Variants in PRIMPOL observed in about 807,000 individuals in gnomAD.
The protein encoded by PRIMPOL is primase and DNA directed polymerase, also known as DNA-directed primase/polymerase protein.
Under a neutral mutation model 63.6 loss-of-function variants are expected in PRIMPOL, and 54 were observed. That is an observed-to-expected ratio of 0.85 (90% CI 0.68 to 1.07). The LOEUF is 1.07. PRIMPOL is among the 50% of genes least tolerant of loss of function. PRIMPOL has a pLI of 0.00. For synonymous variants in PRIMPOL, 197 were observed against 220.2 expected (o/e 0.89, Z 0.93); for missense variants, 610 against 648.3 (o/e 0.94, Z 0.64).
chr4:184,655,663 A>G (rs1746211458), intron 2 of PRIMPOL, among the ~76,000 whole-genome samples: 1 of 152,164 alleles, frequency 6.6e-6, no homozygotes. Flanking sequence ...TCCTTCCAGG[A>G]AATACTCATT....
At chr4:184,667,943 G>T (rs1228782538) in intron 6 of PRIMPOL, among the ~76,000 whole-genome samples, 1 of 152,100 alleles carries the variant, frequency 6.6e-6, no homozygotes, top group Non-Finnish European at 1.5e-5. Context: ...ACATTTGCAG[G>T]CTGGCTGCCG....
intron 8 of PRIMPOL, among the ~76,000 whole-genome samples, chr4:184,679,691 G>A (rs555757911): frequency 4.1e-4 from 63 of 152,260 alleles, no homozygotes; most frequent in African/African-American, 1.4e-3. Flanking sequence ...AGCAGTAGGC[G>A]AGCGAGCGAG....
At chr4:184,651,104 A>G (rs7693625) in intron 1 of PRIMPOL, among the ~76,000 whole-genome samples, 24,576 of 151,986 alleles carry the variant, frequency 0.16, 2,326 homozygotes, top group Non-Finnish European at 0.21. Context: ...CCTGGTCAAG[A>G]TGGTGAAACC....
intron 6 of PRIMPOL, among the ~76,000 whole-genome samples, chr4:184,669,361 C>T (rs972312523): frequency 2.0e-5 from 3 of 152,214 alleles, no homozygotes; most frequent in African/African-American, 7.2e-5. Context: ...CCCCCGTGCT[C>T]GCTGCCTTTC....
At chr4:184,659,285 G>A (rs1229398739) in intron 3 of PRIMPOL, 55 bp from the exon 4 acceptor site, 1 of 1,286,108 alleles carries the variant, frequency 7.8e-7, no homozygotes, top group Non-Finnish European at 1.1e-6. Flanking sequence ...AGCTACAGTT[G>A]AGTTTAGGTT....
intron 4 of PRIMPOL, 53 bp downstream of exon 4, chr4:184,659,490 C>T: frequency 7.4e-7 from 1 of 1,345,438 alleles, no homozygotes. Context: ...ATTTCCTTTG[C>T]CTAGGAATTT....
intron 6 of PRIMPOL, among the ~76,000 whole-genome samples, chr4:184,667,754 A>G (rs1479101519): frequency 6.6e-6 from 1 of 152,172 alleles, no homozygotes; most frequent in Non-Finnish European, 1.5e-5. Flanking sequence ...GGGGTTAACA[A>G]TCTTTCCAGA....
intron 7 of PRIMPOL, among the ~76,000 whole-genome samples, chr4:184,673,371 C>A (rs185229693): frequency 6.6e-6 from 1 of 151,578 alleles, no homozygotes; most frequent in African/African-American, 2.4e-5. Flanking sequence ...CGTTGTCATC[C>A]GCCCGCCTCG....
At chr4:184,692,999 G>A (rs188492187) in intron 13 of PRIMPOL, among the ~76,000 whole-genome samples, 1 of 152,052 alleles carries the variant, frequency 6.6e-6, no homozygotes, top group Non-Finnish European at 1.5e-5. Context: ...ATTGTAGTTT[G>A]TGTTTTGTTT....
Position 184,678,354 on chromosome 4 carries a change from G to A in PRIMPOL, c.967G>A (p.Glu323Lys), listed in dbSNP as rs770207392. 1.1e-5 allele frequency: 17 copies of A among 1,607,170 alleles called. No homozygotes were observed. The highest frequency in any genetic ancestry group is 4.5e-5 in the East Asian group (2 of 44,414). ...FPIQSKDVSDEYQYFLSSLVS... is the reference protein window; with the variant it reads ...FPIQSKDVSDKYQYFLSSLVS... ...TATACAGTCAAAAGATGTTTCTGAC[G>A]AATATCAATATTTTCTCTCTTCTTT... Residue 323 changes from glutamate (E) to lysine (K), a missense_variant, in exon 8 of 14, where the codon GAA becomes AAA. Transcript: ENST00000314970.
intron 11 of PRIMPOL, among the ~76,000 whole-genome samples, chr4:184,690,034 CT>C (rs1164177466): frequency 6.6e-6 from 1 of 152,098 alleles, no homozygotes; most frequent in Non-Finnish European, 1.5e-5. Context: ...AGTCACCTGC[CT>C]TTTTTTGCTC....
At chr4:184,651,796 C>T (rs1216260534) in intron 1 of PRIMPOL, among the ~76,000 whole-genome samples, 2 of 152,276 alleles carry the variant, frequency 1.3e-5, no homozygotes, top group East Asian at 3.9e-4. Flanking sequence ...TTACAGGTGC[C>T]TACCACTAGG....
intron 7 of PRIMPOL, 143 bp downstream of exon 7, chr4:184,672,603 G>A (rs1752108671): frequency 1.3e-6 from 1 of 795,138 alleles, no homozygotes; most frequent in Non-Finnish European, 2.0e-6. Flanking sequence ...GTGAGTTCAG[G>A]TGCTGGGAAT....
chr4:184,671,805 C>G (rs1314600471), intron 6 of PRIMPOL, among the ~76,000 whole-genome samples: 1 of 145,626 alleles, frequency 6.9e-6, no homozygotes, highest in Non-Finnish European at 1.5e-5. Context: ...TGCAGTGGCG[C>G]GATCTTGGCT....
chr4:184,667,333 C>A (rs576337071), intron 6 of PRIMPOL, among the ~76,000 whole-genome samples: 3 of 145,942 alleles, frequency 2.1e-5, no homozygotes, highest in African/African-American at 7.7e-5. Flanking sequence ...TTTTTTGAGA[C>A]AGAGTCTCGC....
intron 5 of PRIMPOL, among the ~76,000 whole-genome samples, chr4:184,663,327 G>C (rs551420240): frequency 6.6e-6 from 1 of 152,134 alleles, no homozygotes; most frequent in Non-Finnish European, 1.5e-5. Flanking sequence ...TTATAGGCGC[G>C]AGCCATTGTG....
At chr4:184,690,500 C>G (rs1322560746) in intron 11 of PRIMPOL, among the ~76,000 whole-genome samples, 1 of 152,136 alleles carries the variant, frequency 6.6e-6, no homozygotes, top group East Asian at 1.9e-4. Context: ...CACACTGTCA[C>G]CCGGGCTGGA....
chr4:184,663,018 T>TTTA (rs70962516), intron 5 of PRIMPOL, among the ~76,000 whole-genome samples: 56,688 of 138,388 alleles, frequency 0.41, 12,187 homozygotes, highest in East Asian at 0.57. Context: ...ATTTTAAACC[T>TTTA]TTATTATTAT....
rs57234973 is a variant in PRIMPOL at position 184,670,545 on chromosome 4, A to ATTT, written c.557-1612_557-1610dup. Among the ~76,000 whole-genome samples the ATTT allele has an allele frequency of 6.1e-3, 837 of 136,664 alleles. 11 individuals are homozygous for ATTT. Among genetic ancestry groups the ATTT allele is most frequent in the Admixed American group, 0.015 (209 of 13,522 alleles). 89.7% of individuals were successfully genotyped at this position (136,664 alleles called of 152,430 possible). A position where few individuals can be genotyped will look rare whatever the true frequency, so the allele number is the denominator to read the frequency against. ...ATTTGTTTCTTTGAGTAGGAAAGTA[A>ATTT]TTTTTTTTTTTTTTTTTTGTGAGAC... On this transcript the variant is annotated intron_variant, in intron 6 of 13. Transcript: ENST00000314970.
Sources: allele counts gnomAD v4.1 joint callset (sites outside exome capture counted in the v4.1 genomes callset), GRCh38; gene constraint gnomAD v4.1.1; transcripts MANE v1.5; gene names NCBI Gene and HGNC (gene_info 2026-07-23, HGNC 2026-07-21).